The following LRRC37A2 variants were observed in gnomAD, a reference collection of about 807,000 sequenced individuals.
LRRC37A2 encodes leucine-rich repeat-containing protein 37A2.
A neutral mutation model predicts 68.8 loss-of-function variants in LRRC37A2; 9 were observed. That is an observed-to-expected ratio of 0.13 (90% CI 0.08 to 0.23). LRRC37A2 has a LOEUF of 0.23. Ranked by LOEUF, LRRC37A2 falls within the 10% of genes least tolerant of loss-of-function variation. The pLI, the probability that LRRC37A2 is intolerant of heterozygous loss-of-function variation, is 1.00. For synonymous variants in LRRC37A2, 63 were observed against 367.6 expected, an observed-to-expected ratio of 0.17 and a Z score of 9.48; for missense variants, 168 against 950.4, an observed-to-expected ratio of 0.18 and a Z score of 10.82.
chr17:47,037,481 T>G, the LRRC37A2 span, among the ~76,000 whole-genome samples: 220 of 152,332 alleles, frequency 1.4e-3, 2 homozygotes, highest in African/African-American at 5.2e-3. Context: ...ATCGTGCTAT[T>G]ATTATCTGCT....
At chr17:46,534,690 C>T (rs1304173671) in intron 6 of LRRC37A2, among the ~76,000 whole-genome samples, 15 of 149,608 alleles carry the variant, frequency 1.0e-4, no homozygotes, top group East Asian at 2.0e-4. Flanking sequence ...CATCATGGCC[C>T]GTTCTCAATG....
chr17:46,722,249 T>C, the LRRC37A2 span: 8 of 1,148,096 alleles, frequency 7.0e-6, no homozygotes, highest in Non-Finnish European at 1.0e-5. Context: ...CCCTACATTC[T>C]TAAGATTAAT....
At chr17:47,022,031 C>A in the LRRC37A2 span, 2 of 1,016,588 alleles carry the variant, frequency 2.0e-6, no homozygotes, top group Non-Finnish European at 3.0e-6. Flanking sequence ...CTCCTCCATG[C>A]CCCAAATCAA....
At chr17:47,018,511 C>G in the LRRC37A2 span, 2 of 1,521,284 alleles carry the variant, frequency 1.3e-6, no homozygotes, top group Non-Finnish European at 1.8e-6. Flanking sequence ...CAGGCTACAG[C>G]TCAGCTCTCA....
the LRRC37A2 span, among the ~76,000 whole-genome samples, chr17:46,969,111 C>A: frequency 6.6e-6 from 1 of 152,186 alleles, no homozygotes; most frequent in Non-Finnish European, 1.5e-5. Context: ...CCAGGAGAAG[C>A]GGAAGCCGAT....
At chr17:46,989,246 G>A in the LRRC37A2 span, among the ~76,000 whole-genome samples, 1 of 152,168 alleles carries the variant, frequency 6.6e-6, no homozygotes, top group Admixed American at 6.5e-5. Context: ...GCAGGAAATA[G>A]AAACATATTC....
the LRRC37A2 span, among the ~76,000 whole-genome samples, chr17:46,888,756 G>A: frequency 6.6e-6 from 1 of 152,120 alleles, no homozygotes; most frequent in African/African-American, 2.4e-5. Flanking sequence ...CAGACCCAAG[G>A]CAGCAGCATA....
At chr17:46,960,328 AAC>A in the LRRC37A2 span, among the ~76,000 whole-genome samples, 3 of 152,200 alleles carry the variant, frequency 2.0e-5, no homozygotes, top group African/African-American at 4.8e-5. Flanking sequence ...CATACAAACA[AAC>A]ACAACACAAA....
the LRRC37A2 span, among the ~76,000 whole-genome samples, chr17:46,882,332 G>C: frequency 2.0e-5 from 3 of 152,128 alleles, no homozygotes; most frequent in African/African-American, 7.2e-5. Flanking sequence ...TGCATGTCTC[G>C]TGGAATACCT....
the LRRC37A2 span, among the ~76,000 whole-genome samples, chr17:46,912,129 C>T: frequency 6.6e-6 from 1 of 152,280 alleles, no homozygotes; most frequent in East Asian, 1.9e-4. Context: ...CTGCCTTCCT[C>T]ACACCTCCTC....
the LRRC37A2 span, among the ~76,000 whole-genome samples, chr17:46,666,938 T>C: frequency 1.4e-5 from 2 of 142,914 alleles, no homozygotes; most frequent in African/African-American, 5.0e-5. Context: ...GAATGGGTAC[T>C]ATAATTTGCA....
the LRRC37A2 span, among the ~76,000 whole-genome samples, chr17:46,771,891 C>CTTG: frequency 1.4e-5 from 2 of 144,956 alleles, no homozygotes; most frequent in East Asian, 2.0e-4. Context: ...CGCCCCCGCC[C>CTTG]CTGCCCCCGC....
At chr17:46,929,381 T>C in the LRRC37A2 span, 5 of 696,742 alleles carry the variant, frequency 7.2e-6, no homozygotes, top group African/African-American at 1.7e-5. Flanking sequence ...GGACCTAAAG[T>C]GCCACATACA....
At chr17:46,939,424 G>A in the LRRC37A2 span, 2 of 993,226 alleles carry the variant, frequency 2.0e-6, no homozygotes, top group Non-Finnish European at 2.4e-6. Context: ...TGAGGCCAGT[G>A]TTATTTCCCG....
the LRRC37A2 span, among the ~76,000 whole-genome samples, chr17:46,687,480 G>C: frequency 1.9e-4 from 27 of 145,670 alleles, 1 homozygote; most frequent in African/African-American, 6.6e-4. Context: ...TTTCTTCACT[G>C]TCAGTCTTCC....
At chr17:46,944,741 A>G in the LRRC37A2 span, among the ~76,000 whole-genome samples, 5 of 151,670 alleles carry the variant, frequency 3.3e-5, no homozygotes, top group African/African-American at 1.2e-4. Context: ...CTAGGATTAC[A>G]GGCACCCACT....
At chr17:46,718,714 G>C in the LRRC37A2 span, among the ~76,000 whole-genome samples, 1 of 152,022 alleles carries the variant, frequency 6.6e-6, no homozygotes, top group Non-Finnish European at 1.5e-5. Context: ...ATAAGCCACT[G>C]TTTTCTCATC....
At chr17:46,755,820 T>A in the LRRC37A2 span, 1 of 1,612,420 alleles carries the variant, frequency 6.2e-7, no homozygotes, top group Non-Finnish European at 8.5e-7. Context: ...TTGATTTTGA[T>A]TGAAAATGAA....
chr17:46,947,086 C>T, the LRRC37A2 span, among the ~76,000 whole-genome samples: 9 of 152,084 alleles, frequency 5.9e-5, no homozygotes, highest in South Asian at 1.2e-3. Flanking sequence ...AGAGTAGGGA[C>T]GTATTAGGGT....
Sources: allele counts gnomAD v4.1 joint callset (sites outside exome capture counted in the v4.1 genomes callset), GRCh38; gene constraint gnomAD v4.1.1; transcripts MANE v1.5; gene names NCBI Gene and HGNC (gene_info 2026-07-23, HGNC 2026-07-21).